Variants in PRKCH observed in about 807,000 individuals in gnomAD.
The protein encoded by PRKCH is protein kinase C eta.
PRKCH carries 28 observed loss-of-function variants against 82.5 expected under a neutral mutation model. The ratio of observed to expected loss-of-function variants is 0.34; its 90% CI spans 0.25 to 0.47. The LOEUF (loss-of-function observed/expected upper bound fraction) is 0.47, where lower values mean the gene tolerates loss of function less well. PRKCH is among the 20% of genes least tolerant of loss of function. The pLI, the probability that PRKCH is intolerant of heterozygous loss-of-function variation, is 1.00. For missense variants in PRKCH, 705 were observed against 881.8 expected (o/e 0.80, Z 2.54); for synonymous variants, 322 against 327.4 (o/e 0.98, Z 0.18).
intron 1 of PRKCH, among the ~76,000 whole-genome samples, chr14:61,209,248 AT>A (rs2044550555): frequency 6.6e-6 from 1 of 151,400 alleles, no homozygotes; most frequent in African/African-American, 2.4e-5. Flanking sequence ...TTCTTTATAA[AT>A]TACCCAGCCT....
intron 13 of PRKCH, among the ~76,000 whole-genome samples, chr14:61,548,768 T>C (rs954184431): frequency 6.8e-6 from 1 of 147,364 alleles, no homozygotes; most frequent in Non-Finnish European, 1.5e-5. Flanking sequence ...GAGGCTGAAG[T>C]AGAAGGATTG....
chr14:61,458,473 C>T (rs558730247), intron 9 of PRKCH, among the ~76,000 whole-genome samples: 3 of 152,154 alleles, frequency 2.0e-5, no homozygotes, highest in Non-Finnish European at 4.4e-5. Context: ...GGCATGATAG[C>T]ATCCAAAGCA....
chr14:61,408,351 A>G (rs1410174528), intron 2 of PRKCH, among the ~76,000 whole-genome samples: 4 of 152,154 alleles, frequency 2.6e-5, no homozygotes, highest in Non-Finnish European at 5.9e-5. Context: ...TAATAGGTCT[A>G]CTTTTAGTGA....
At chr14:61,264,988 C>T (rs1356845931) in intron 1 of PRKCH, among the ~76,000 whole-genome samples, 4 of 152,156 alleles carry the variant, frequency 2.6e-5, no homozygotes, top group Admixed American at 1.3e-4. Context: ...TAGAGCCACC[C>T]AGTGTTCCTT....
At chr14:61,333,951 G>A (rs2045821147) in intron 1 of PRKCH, among the ~76,000 whole-genome samples, 1 of 152,100 alleles carries the variant, frequency 6.6e-6, no homozygotes, top group Non-Finnish European at 1.5e-5. Context: ...CATGGTCTGG[G>A]TCCCCGTGAC....
intron 10 of PRKCH, among the ~76,000 whole-genome samples, chr14:61,499,858 T>C (rs1016263255): frequency 1.4e-5 from 2 of 146,880 alleles, no homozygotes; most frequent in African/African-American, 5.1e-5. Context: ...TTCAGTTCAC[T>C]GGTTCTGGAC....
intron 1 of PRKCH, among the ~76,000 whole-genome samples, chr14:61,366,812 A>C (rs369988402): frequency 6.4e-4 from 97 of 152,114 alleles, no homozygotes; most frequent in African/African-American, 2.1e-3. Context: ...CAAGGCATTC[A>C]GGGCTCTGGG....
chr14:61,331,536 A>G (rs996184971), intron 1 of PRKCH, among the ~76,000 whole-genome samples: 3 of 152,088 alleles, frequency 2.0e-5, no homozygotes, highest in Non-Finnish European at 4.4e-5. Context: ...AAGAAACAAC[A>G]ACAACAACAA....
At chr14:61,203,746 C>T (rs1043287521) in intron 1 of PRKCH, among the ~76,000 whole-genome samples, 2 of 152,146 alleles carry the variant, frequency 1.3e-5, no homozygotes, top group East Asian at 1.9e-4. Flanking sequence ...AAGGCTGAGG[C>T]GGGAGAATCA....
chr14:61,498,545 C>A (rs918303175), intron 10 of PRKCH, among the ~76,000 whole-genome samples: 2 of 152,174 alleles, frequency 1.3e-5, no homozygotes, highest in African/African-American at 4.8e-5. Context: ...ATTCCTTGAA[C>A]AGAAATGTAT....
chr14:61,454,193 T>A (rs1884653176), intron 7 of PRKCH, among the ~76,000 whole-genome samples: 1 of 151,864 alleles, frequency 6.6e-6, no homozygotes, highest in Admixed American at 6.6e-5. Context: ...AACCTCCACC[T>A]CCCAGGTTCA....
chr14:61,310,594 G>A (rs1056749385), intron 1 of PRKCH, among the ~76,000 whole-genome samples: 1 of 152,218 alleles, frequency 6.6e-6, no homozygotes, highest in Non-Finnish European at 1.5e-5. Flanking sequence ...CGAGGTGTTG[G>A]TGTTGAGTGC....
At chr14:61,367,685 A>G (rs1184835210) in intron 1 of PRKCH, among the ~76,000 whole-genome samples, 1 of 146,402 alleles carries the variant, frequency 6.8e-6, no homozygotes, top group Non-Finnish European at 1.5e-5. Flanking sequence ...TACAATGAAT[A>G]TGCTCCCCAG....
At chr14:61,303,536 T>C (rs1386482639) in intron 1 of PRKCH, 1 of 152,152 alleles carries the variant, frequency 6.6e-6, no homozygotes, top group Non-Finnish European at 1.5e-5. Flanking sequence ...TGGTCTATGT[T>C]TTCCCTTCCT....
At chr14:61,503,251 G>A (rs539397296) in intron 10 of PRKCH, among the ~76,000 whole-genome samples, 7 of 150,808 alleles carry the variant, frequency 4.6e-5, no homozygotes, top group Admixed American at 3.3e-4. Context: ...GTCAGAGGCC[G>A]TAACTGAGTT....
chr14:61,359,681 A>G (rs972378771), intron 1 of PRKCH, among the ~76,000 whole-genome samples: 1 of 152,190 alleles, frequency 6.6e-6, no homozygotes, highest in South Asian at 2.1e-4. Flanking sequence ...TCTATTTTAA[A>G]AGAGTGATGG....
At chr14:61,320,491 C>T (rs1320492946), upstream of PRKCH, among the ~76,000 whole-genome samples, 1 of 152,040 alleles carries the variant, frequency 6.6e-6, no homozygotes, top group Non-Finnish European at 1.5e-5. Flanking sequence ...TCCAGCTACT[C>T]GGGAGGCTGG....
intron 1 of PRKCH, among the ~76,000 whole-genome samples, chr14:61,325,251 A>G (rs969975431): frequency 2.0e-5 from 3 of 152,214 alleles, no homozygotes; most frequent in Non-Finnish European, 4.4e-5. Flanking sequence ...ATAATGTGAT[A>G]TTGGAATAAA....
At chr14:61,191,795 A>G (rs2044408421) in intron 1 of PRKCH, among the ~76,000 whole-genome samples, 3 of 152,122 alleles carry the variant, frequency 2.0e-5, no homozygotes, top group Non-Finnish European at 2.9e-5. Flanking sequence ...TTGTTGAACT[A>G]TTGCAGATTT....
Sources: gnomAD v4.1 joint callset for allele counts (sites outside exome capture counted in the v4.1 genomes callset) on GRCh38, gnomAD v4.1.1 for gene constraint, MANE v1.5 for transcripts, NCBI Gene and HGNC (gene_info 2026-07-23, HGNC 2026-07-21) for gene names.